HMCN1: variants seen among roughly 807,000 people sequenced by gnomAD.
HMCN1 encodes hemicentin 1.
Under a neutral mutation model 625.9 loss-of-function variants are expected in HMCN1, and 321 were observed. The ratio of observed to expected loss-of-function variants is 0.51; its 90% CI spans 0.47 to 0.56. HMCN1 has a LOEUF of 0.56. Among genes scored for constraint, HMCN1 ranks in the 20% least tolerant of loss-of-function variants. HMCN1 has a pLI of 0.00. For missense variants in HMCN1, 6,588 were observed against 6,887.3 expected (o/e 0.96, Z 1.54); for synonymous variants, 2,425 against 2,417.6 (o/e 1.00, Z -0.09).
intron 35 of HMCN1, among the ~76,000 whole-genome samples, chr1:186,022,193 A>C (rs1170201523): frequency 2.0e-5 from 3 of 152,124 alleles, no homozygotes; most frequent in African/African-American, 4.8e-5. Context: ...TATCCTGTAA[A>C]TTTAGGATGC....
At chr1:186,173,652 A>AAAAAG (rs1652374993) in intron 102 of HMCN1, among the ~76,000 whole-genome samples, 1 of 151,182 alleles carries the variant, frequency 6.6e-6, no homozygotes, top group Non-Finnish European at 1.5e-5. Flanking sequence ...AAAAAAAAAA[A>AAAAAG]AAAGAAAAAA....
chr1:186,135,285 C>A (rs1649528018), intron 86 of HMCN1, among the ~76,000 whole-genome samples: 1 of 152,134 alleles, frequency 6.6e-6, no homozygotes, highest in South Asian at 2.1e-4. Context: ...TTTTTGGTTA[C>A]CAGAATACCA....
At chr1:186,119,947 C>G in intron 79 of HMCN1, 64 bp from the exon 80 acceptor site, 1 of 1,613,824 alleles carries the variant, frequency 6.2e-7, no homozygotes, top group East Asian at 2.2e-5. Flanking sequence ...TTCGAATCAG[C>G]ATGATTGTTT....
intron 1 of HMCN1, among the ~76,000 whole-genome samples, chr1:185,764,497 T>C (rs1171780715): frequency 1.3e-5 from 2 of 152,208 alleles, no homozygotes; most frequent in African/African-American, 2.4e-5. Flanking sequence ...CTCAAGATTG[T>C]AGCATGGATT....
At chr1:185,929,428 C>T (rs186342161) in intron 10 of HMCN1, among the ~76,000 whole-genome samples, 1 of 151,982 alleles carries the variant, frequency 6.6e-6, no homozygotes, top group Non-Finnish European at 1.5e-5. Flanking sequence ...AAAAGACTAC[C>T]ATTTATAATC....
chr1:186,077,072 T>C (rs1658867110), intron 54 of HMCN1, among the ~76,000 whole-genome samples: 1 of 152,162 alleles, frequency 6.6e-6, no homozygotes, highest in African/African-American at 2.4e-5. Context: ...GCAAAGATGT[T>C]TAAACTGTTA....
chr1:185,783,847 G>T (rs78493371), intron 1 of HMCN1, among the ~76,000 whole-genome samples: 1 of 152,152 alleles, frequency 6.6e-6, no homozygotes, highest in Non-Finnish European at 1.5e-5. Flanking sequence ...CTCCATGCTG[G>T]GAGAACCACT....
At chr1:185,952,656 G>A (rs1054667454) in intron 11 of HMCN1, among the ~76,000 whole-genome samples, 1 of 151,736 alleles carries the variant, frequency 6.6e-6, no homozygotes, top group Non-Finnish European at 1.5e-5. Flanking sequence ...TTGGGGTCAA[G>A]CGGCATTGCA....
chr1:185,848,787 T>G (rs1661989736), intron 2 of HMCN1, among the ~76,000 whole-genome samples: 1 of 152,180 alleles, frequency 6.6e-6, no homozygotes, highest in East Asian at 1.9e-4. Context: ...CTTTTACCCC[T>G]TATAGTCAGT....
rs1460536552 is a variant in HMCN1, at chr1:186,166,938, T to C, written c.15570T>C (p.Cys5190=). The stretch of plus-strand genomic sequence containing the variant: ...GAAGAACCTCTGATGGGCTGAGTTG[T>C]CAAGGTATAAAAATGGAGGCCTTTT... ...GFRRTSDGLS[C]QDINECQESS... The change falls in exon 100 of 107, where the codon TGT becomes TGC. Residue 5190 remains cysteine (C), a synonymous_variant. Coordinates refer to ENST00000271588, the MANE Select transcript of HMCN1 (RefSeq NM_031935.3). 7.4e-6 allele frequency: 12 copies of C among 1,614,122 alleles called. No individual in the cohort carries two copies. Among genetic ancestry groups the C allele is most frequent in the Non-Finnish European group, 1.0e-5 (12 of 1,179,962 alleles).
intron 1 of HMCN1, among the ~76,000 whole-genome samples, chr1:185,824,011 C>G (rs990629924): frequency 1.3e-5 from 2 of 152,158 alleles, no homozygotes; most frequent in Non-Finnish European, 2.9e-5. Flanking sequence ...CTATGGGGAA[C>G]TGACATGGCA....
At chr1:185,867,053 A>C (rs2102361564) in intron 4 of HMCN1, among the ~76,000 whole-genome samples, 1 of 152,314 alleles carries the variant, frequency 6.6e-6, no homozygotes, top group South Asian at 2.1e-4. Context: ...ATAGCTAAAG[A>C]GTTCTTATTA....
At chr1:185,933,854 G>A in intron 11 of HMCN1, 30 bp downstream of exon 11, 1 of 1,606,162 alleles carries the variant, frequency 6.2e-7, no homozygotes, top group South Asian at 1.1e-5. Flanking sequence ...TCTGAATTAT[G>A]ACATCTTTCT....
At chr1:185,996,437 G>A (rs1193040137) in intron 24 of HMCN1, among the ~76,000 whole-genome samples, 1 of 152,096 alleles carries the variant, frequency 6.6e-6, no homozygotes, top group East Asian at 1.9e-4. Context: ...CTGGAGATGT[G>A]GTCATGGGTC....
At chr1:185,775,011 A>G (rs815387) in intron 1 of HMCN1, among the ~76,000 whole-genome samples, 148,655 of 152,246 alleles carry the variant, frequency 0.98, 72,614 homozygotes, top group East Asian at 1. Context: ...ACTAATTCAC[A>G]CCATTTTGAA....
intron 97 of HMCN1, among the ~76,000 whole-genome samples, chr1:186,161,521 G>T (rs2102605952): frequency 6.6e-6 from 1 of 151,908 alleles, no homozygotes; most frequent in Non-Finnish European, 1.5e-5. Flanking sequence ...AGTCTTGATG[G>T]TCTTTACATT....
In HMCN1 at chr1:186,070,733, C is replaced by T. The variant is rs1658428809; in HGVS notation, c.8115C>T (p.Ser2705=). 2 of 1,613,846 alleles carry T rather than the reference C, an allele frequency of 1.2e-6. No homozygotes were observed. Among genetic ancestry groups the T allele is most frequent in the East Asian group, 2.2e-5 (1 of 44,838 alleles). ...AAGCGTATGCAATTCCTTCTGCCTC[C>T]CTCAGCTGGTACAAGGATGGACAGG... is the stretch of plus-strand genomic sequence containing the variant. ...ECEAYAIPSA[S]LSWYKDGQPL... The change falls in exon 52 of 107, where the codon TCC becomes TCT. Residue 2705 remains serine (S), a synonymous_variant. Coordinates refer to ENST00000271588, the MANE Select transcript of HMCN1 (RefSeq NM_031935.3).
intron 24 of HMCN1, among the ~76,000 whole-genome samples, chr1:185,996,198 A>T (rs2102047788): frequency 6.6e-6 from 1 of 152,278 alleles, no homozygotes; most frequent in Non-Finnish European, 1.5e-5. Context: ...CAGAAAGACA[A>T]ATCAAACAAG....
At chr1:186,185,531 A>G (rs750764490) in intron 105 of HMCN1, among the ~76,000 whole-genome samples, 2 of 152,254 alleles carry the variant, frequency 1.3e-5, no homozygotes, top group Non-Finnish European at 2.9e-5. Flanking sequence ...TAATCCTAGT[A>G]TAATACTAGT....
Sources: gnomAD v4.1 joint callset for allele counts (sites outside exome capture counted in the v4.1 genomes callset) on GRCh38, gnomAD v4.1.1 for gene constraint, MANE v1.5 for transcripts, NCBI Gene and HGNC (gene_info 2026-07-23, HGNC 2026-07-21) for gene names.